The following PTPRM variants were observed in gnomAD, a reference collection of about 807,000 sequenced individuals.
PTPRM encodes the protein protein tyrosine phosphatase receptor type M.
In PTPRM, 47 loss-of-function variants were observed where a neutral mutation model predicts 186.7. The ratio of observed to expected loss-of-function variants is 0.25; its 90% CI spans 0.20 to 0.32. The LOEUF (loss-of-function observed/expected upper bound fraction) is 0.32. PTPRM is among the 10% of genes least tolerant of loss of function. The pLI, the probability that PTPRM is intolerant of heterozygous loss-of-function variation, is 1.00. For synonymous variants in PTPRM, 668 were observed against 674.9 expected (o/e 0.99, Z 0.16); for missense variants, 1,494 against 1,865.0 (o/e 0.80, Z 3.66).
intron 1 of PTPRM, among the ~76,000 whole-genome samples, chr18:7,621,038 A>G (rs1229762805): frequency 5.9e-5 from 9 of 152,170 alleles, no homozygotes; most frequent in Non-Finnish European, 1.3e-4. Flanking sequence ...AAATAAATAA[A>G]TAAACAAAAC....
At chr18:7,987,392 TTAAA>T (rs1340326636) in intron 7 of PTPRM, among the ~76,000 whole-genome samples, 1 of 152,214 alleles carries the variant, frequency 6.6e-6, no homozygotes, top group Non-Finnish European at 1.5e-5. Context: ...ATAATTGTTT[TTAAA>T]TTATTAATAA....
At chr18:7,833,703 C>T (rs1298457402) in intron 2 of PTPRM, among the ~76,000 whole-genome samples, 2 of 152,032 alleles carry the variant, frequency 1.3e-5, no homozygotes, top group African/African-American at 4.8e-5. Context: ...CATGGCACTC[C>T]AGCCTGGTCC....
intron 1 of PTPRM, among the ~76,000 whole-genome samples, chr18:7,666,908 G>T (rs920361331): frequency 1.3e-5 from 2 of 152,130 alleles, no homozygotes; most frequent in African/African-American, 2.4e-5. Flanking sequence ...AGGGACTGAT[G>T]ATCTTATTTT....
intron 8 of PTPRM, 126 bp downstream of exon 8, chr18:8,070,120 A>T: frequency 1.2e-6 from 1 of 827,360 alleles, no homozygotes; most frequent in Non-Finnish European, 1.8e-6. Context: ...ACAAATGTGT[A>T]TCTGTACTCT....
intron 8 of PTPRM, 52 bp from the exon 9 acceptor site, chr18:8,076,403 A>G (rs2089818111): frequency 4.6e-6 from 5 of 1,093,318 alleles, no homozygotes; most frequent in Non-Finnish European, 6.9e-6. Flanking sequence ...AGAAAAATCT[A>G]CTTTTTAATT....
rs183451443 is a variant in PTPRM at position 7,679,143 on chromosome 18, A to G, written c.74-95006A>G. The stretch of plus-strand genomic sequence containing the variant: ...TTTTTGAGCCTTTATCATAGAGTCA[A>G]GTGTTGTAATGCATTCTGTAACTCC... On this transcript the variant is annotated intron_variant, in intron 1 of 32. Coordinates refer to ENST00000580170, the MANE Select transcript of PTPRM (RefSeq NM_001105244.2). Among the ~76,000 whole-genome samples, 15 of 152,336 alleles carry G rather than the reference A, an allele frequency of 9.8e-5. No individual in the cohort carries two copies. The East Asian group carries it at 1.2e-3, about 12-fold the overall frequency.
At chr18:8,140,443 T>G (rs557229009) in intron 13 of PTPRM, among the ~76,000 whole-genome samples, 42 of 143,798 alleles carry the variant, frequency 2.9e-4, no homozygotes, top group African/African-American at 1.1e-3. Context: ...TTTTGAGTTT[T>G]TTTGTTTGTT....
At chr18:7,918,343 A>T (rs1176442651) in intron 4 of PTPRM, among the ~76,000 whole-genome samples, 4 of 152,134 alleles carry the variant, frequency 2.6e-5, no homozygotes, top group African/African-American at 9.7e-5. Flanking sequence ...GTACTAATTT[A>T]TATTCCCACC....
At chr18:8,300,262 C>T (rs900960186) in intron 20 of PTPRM, among the ~76,000 whole-genome samples, 6 of 152,088 alleles carry the variant, frequency 3.9e-5, no homozygotes, top group African/African-American at 1.2e-4. Context: ...AAGAGAAGGT[C>T]GTAGGGTTTG....
intron 1 of PTPRM, among the ~76,000 whole-genome samples, chr18:7,744,749 G>A (rs1010384473): frequency 6.6e-6 from 1 of 152,154 alleles, no homozygotes; most frequent in Non-Finnish European, 1.5e-5. Flanking sequence ...CCACTATGAG[G>A]ATAATTGTGT....
chr18:7,756,945 T>G (rs2041524563), intron 1 of PTPRM, among the ~76,000 whole-genome samples: 1 of 152,210 alleles, frequency 6.6e-6, no homozygotes, highest in Admixed American at 6.5e-5. Flanking sequence ...GCTTGGCCTG[T>G]GCTGCTCCCA....
At chr18:8,310,471 T>C (rs1045557668) in intron 20 of PTPRM, among the ~76,000 whole-genome samples, 2 of 148,894 alleles carry the variant, frequency 1.3e-5, no homozygotes, top group Admixed American at 1.4e-4. Flanking sequence ...CCAACCTTCT[T>C]TGGTTTCCTG....
At chr18:7,757,644 G>A (rs909785985) in intron 1 of PTPRM, among the ~76,000 whole-genome samples, 8 of 152,134 alleles carry the variant, frequency 5.3e-5, no homozygotes, top group African/African-American at 1.4e-4. Context: ...GCACAATCTC[G>A]TACGTAGGAG....
At chr18:8,379,476 A>G in intron 28 of PTPRM, 136 bp downstream of exon 28, 1 of 940,274 alleles carries the variant, frequency 1.1e-6, no homozygotes, top group Middle Eastern at 3.5e-4. Context: ...AACAAAAAAT[A>G]GATTTCAGAT....
chr18:8,206,091 GT>G (rs746331179), intron 14 of PTPRM, among the ~76,000 whole-genome samples: 1 of 151,980 alleles, frequency 6.6e-6, no homozygotes, highest in Non-Finnish European at 1.5e-5. Flanking sequence ...GAAAAGAGAG[GT>G]TACTATGAAC....
chr18:7,710,914 A>G (rs183147722), intron 1 of PTPRM, among the ~76,000 whole-genome samples: 81 of 152,302 alleles, frequency 5.3e-4, no homozygotes, highest in African/African-American at 1.8e-3. Context: ...ACACAAACAA[A>G]TGGAAACACC....
intron 1 of PTPRM, among the ~76,000 whole-genome samples, chr18:7,667,730 G>A (rs59481426): frequency 0.039 from 5,925 of 152,180 alleles, 146 homozygotes; most frequent in East Asian, 0.1. Flanking sequence ...ATAGAAAAAG[G>A]ACATTTGCAT....
chr18:7,950,675 A>T (rs5003719), intron 6 of PTPRM, among the ~76,000 whole-genome samples: 1 of 151,778 alleles, frequency 6.6e-6, no homozygotes, highest in Non-Finnish European at 1.5e-5. Flanking sequence ...ATAGTGAGCA[A>T]TGGGTGCTTG....
chr18:7,795,899 G>C (rs946951626), intron 2 of PTPRM, among the ~76,000 whole-genome samples: 6 of 142,146 alleles, frequency 4.2e-5, no homozygotes, highest in African/African-American at 1.6e-4. Flanking sequence ...ACTGAACCTT[G>C]AATTCCTGGC....
Sources: allele counts gnomAD v4.1 joint callset (sites outside exome capture counted in the v4.1 genomes callset), GRCh38; gene constraint gnomAD v4.1.1; transcripts MANE v1.5; gene names NCBI Gene and HGNC (gene_info 2026-07-23, HGNC 2026-07-21).